Variants in SLC16A7 observed in about 807,000 individuals in gnomAD.
The protein encoded by SLC16A7 is monocarboxylate transporter 2.
Under a neutral mutation model 34.9 loss-of-function variants are expected in SLC16A7, and 33 were observed. The observed-to-expected ratio is 0.94, with a 90% confidence interval of 0.72 to 1.26. The LOEUF (loss-of-function observed/expected upper bound fraction) is 1.26, where lower values mean the gene tolerates loss of function less well. SLC16A7 is among the 50% of genes most tolerant of loss of function. The pLI, the probability that SLC16A7 is intolerant of heterozygous loss-of-function variation, is 0.00. For synonymous variants in SLC16A7, 201 were observed against 206.6 expected (o/e 0.97, Z 0.23); for missense variants, 573 against 578.1 (o/e 0.99, Z 0.09).
At chr12:59,755,558 AG>A (rs1880213085) in intron 3 of SLC16A7, among the ~76,000 whole-genome samples, 1 of 152,218 alleles carries the variant, frequency 6.6e-6, no homozygotes, top group African/African-American at 2.4e-5. Context: ...AGGGATGAGA[AG>A]GACCTCTTCA....
intron 3 of SLC16A7, among the ~76,000 whole-genome samples, chr12:59,766,082 T>A (rs1881591532): frequency 6.6e-6 from 1 of 152,198 alleles, no homozygotes; most frequent in Non-Finnish European, 1.5e-5. Flanking sequence ...GGTATTTTAA[T>A]TCTCTTTGAA....
At chr12:59,657,906 G>A (rs1868621206) in intron 2 of SLC16A7, among the ~76,000 whole-genome samples, 1 of 151,938 alleles carries the variant, frequency 6.6e-6, no homozygotes, top group African/African-American at 2.4e-5. Flanking sequence ...AAGGCCAGTT[G>A]CAGCATGCCA....
intron 1 of SLC16A7, among the ~76,000 whole-genome samples, chr12:59,645,038 C>T (rs1414576279): frequency 6.6e-6 from 1 of 152,066 alleles, no homozygotes; most frequent in Non-Finnish European, 1.5e-5. Flanking sequence ...CTGGAGTTTC[C>T]TTATCCTGTT....
chr12:59,736,506 A>G (rs1303090272), intron 3 of SLC16A7, among the ~76,000 whole-genome samples: 1 of 152,150 alleles, frequency 6.6e-6, no homozygotes, highest in Non-Finnish European at 1.5e-5. Flanking sequence ...CATCACTCCA[A>G]GGCTGGATTG....
At chr12:59,611,575 C>T (rs1052382989) in intron 1 of SLC16A7, among the ~76,000 whole-genome samples, 3 of 152,186 alleles carry the variant, frequency 2.0e-5, no homozygotes, top group Non-Finnish European at 4.4e-5. Flanking sequence ...TCATGCCCTT[C>T]TAACAGTCCC....
In SLC16A7 at chr12:59,771,261, C is replaced by T. The variant is rs141923225; in HGVS notation, c.260C>T (p.Pro87Leu). The change falls in exon 4 of 6, where the codon CCG becomes CTG. Residue 87 changes from proline (P) to leucine (L), a missense_variant. Transcript: ENST00000547379. Reference protein sequence around the residue: ...SVLVNKYGSRPVVIAGGLLCC... With the variant: ...SVLVNKYGSRLVVIAGGLLCC... ...TTGGTGAATAAATACGGCAGCCGGC[C>T]GGTGGTGATAGCAGGAGGCTTATTA... 1.1e-5 allele frequency: 17 copies of T among 1,613,046 alleles called. No homozygotes were observed. The African/African-American group carries it at 1.7e-4, about 16-fold the overall frequency.
intron 1 of SLC16A7, among the ~76,000 whole-genome samples, chr12:59,626,480 C>A (rs1879936081): frequency 6.6e-6 from 1 of 151,678 alleles, no homozygotes; most frequent in South Asian, 2.1e-4. Context: ...TGGACTAATG[C>A]TATAATTCTC....
At chr12:59,745,451 A>G (rs909245015) in intron 3 of SLC16A7, among the ~76,000 whole-genome samples, 7 of 152,218 alleles carry the variant, frequency 4.6e-5, no homozygotes, top group Admixed American at 1.3e-4. Context: ...GAATTGATAC[A>G]AAAGTAGTAA....
chr12:59,736,339 T>C lies in SLC16A7; in HGVS notation c.217+31321T>C, dbSNP rs1324826967. 2.0e-5 allele frequency among the ~76,000 whole-genome samples: 3 copies of C among 152,186 alleles called. 1 individual carries two copies. Among genetic ancestry groups the C allele is most frequent in the East Asian group, 3.8e-4 (2 of 5,196 alleles). On this transcript the variant is annotated intron_variant, in intron 3 of 5. Transcript: ENST00000547379. ...TGAAATAATAGAAAATAGGGAGGGC[T>C]TGAGTGAAATGCTTTAAATGAACAC...
chr12:59,742,541 A>G (rs1416057648), intron 3 of SLC16A7, among the ~76,000 whole-genome samples: 2 of 152,218 alleles, frequency 1.3e-5, no homozygotes, highest in Non-Finnish European at 2.9e-5. Flanking sequence ...AGATGGGAAA[A>G]TCAAGTGTTC....
chr12:59,779,922 C>T lies in SLC16A7; in HGVS notation c.*243C>T. On this transcript the variant is annotated 3_prime_UTR_variant, in exon 6 of 6. Transcript: ENST00000547379. The stretch of plus-strand genomic sequence containing the variant: ...GCTATAGGTTTATTTCCATACCTGA[C>T]TCTGGGTGTGGTGGTTAAAATACTA... 2.7e-6 allele frequency: 1 copy of T among 363,908 alleles called. No homozygotes were observed. The highest frequency in any genetic ancestry group is 5.0e-6 in the Non-Finnish European group (1 of 200,370). The allele number at this position is 363,908 out of a possible 1,614,324, so 22.5% of individuals were successfully genotyped here.
intron 2 of SLC16A7, among the ~76,000 whole-genome samples, chr12:59,665,734 G>A (rs1465353654): frequency 6.6e-6 from 1 of 151,380 alleles, no homozygotes; most frequent in Admixed American, 6.6e-5. Context: ...ATGAATTACA[G>A]GAATTTATAT....
In SLC16A7 at chr12:59,785,045, CTCTT is replaced by C. The variant is rs1028877185; in HGVS notation, c.*5368_*5371del. 1.1e-4 allele frequency: 16 copies of C among 152,252 alleles called. No homozygotes were observed. The highest frequency in any genetic ancestry group is 3.6e-4 in the African/African-American group (15 of 41,578). The allele number at this position is 152,252 out of a possible 1,614,324, so 9.4% of individuals were successfully genotyped here. ...ATTACAAACTTGACTTTACTCATCT[CTCTT>C]TAAGATTTTGATTTCTGCACAACCA... On this transcript the variant is annotated 3_prime_UTR_variant, in exon 6 of 6. Coordinates refer to ENST00000547379, the MANE Select transcript of SLC16A7 (RefSeq NM_001270623.2).
At chr12:59,642,001 G>C (rs1880707873) in intron 1 of SLC16A7, among the ~76,000 whole-genome samples, 1 of 151,766 alleles carries the variant, frequency 6.6e-6, no homozygotes, top group African/African-American at 2.4e-5. Context: ...TTCTAATATT[G>C]CTTTATATAG....
intron 2 of SLC16A7, among the ~76,000 whole-genome samples, chr12:59,689,998 G>A (rs1034577833): frequency 6.6e-6 from 1 of 151,976 alleles, no homozygotes; most frequent in Admixed American, 6.6e-5. Context: ...AGAGTAGCTG[G>A]TTTGCATAGC....
chr12:59,714,095 G>T (rs140106665), intron 3 of SLC16A7, among the ~76,000 whole-genome samples: 6 of 152,198 alleles, frequency 3.9e-5, no homozygotes, highest in Non-Finnish European at 8.8e-5. Flanking sequence ...AGGAGGCAGC[G>T]TTAGTCAAGG....
At chr12:59,639,938 A>G (rs1880601358) in intron 1 of SLC16A7, among the ~76,000 whole-genome samples, 1 of 152,160 alleles carries the variant, frequency 6.6e-6, no homozygotes. Context: ...TCTGTCCAAC[A>G]TGGCCACAAA....
intron 3 of SLC16A7, among the ~76,000 whole-genome samples, chr12:59,750,862 A>G (rs1445424313): frequency 6.6e-6 from 1 of 152,180 alleles, no homozygotes; most frequent in Non-Finnish European, 1.5e-5. Flanking sequence ...CATATACACC[A>G]TGGAATACTA....
At chr12:59,707,007 C>T (rs1386028666) in intron 3 of SLC16A7, among the ~76,000 whole-genome samples, 1 of 152,092 alleles carries the variant, frequency 6.6e-6, no homozygotes, top group African/African-American at 2.4e-5. Context: ...TTATTTCTTT[C>T]TGAAGCAATG....
Sources: gnomAD v4.1 joint callset for allele counts (sites outside exome capture counted in the v4.1 genomes callset) on GRCh38, gnomAD v4.1.1 for gene constraint, MANE v1.5 for transcripts, NCBI Gene and HGNC (gene_info 2026-07-23, HGNC 2026-07-21) for gene names.